Variants in KCNQ5 observed in about 807,000 individuals in gnomAD.
KCNQ5 encodes the protein potassium voltage-gated channel subfamily Q member 5.
In KCNQ5, 30 loss-of-function variants were observed where a neutral mutation model predicts 98.2. That is an observed-to-expected ratio of 0.31 (90% CI 0.23 to 0.41). The LOEUF is 0.41. KCNQ5 is among the 10% of genes least tolerant of loss of function. The probability of loss-of-function intolerance (pLI) is 1.00; values close to 1 mark genes in which losing one functional copy is unlikely to be tolerated. For synonymous variants in KCNQ5, 458 were observed against 449.4 expected, an observed-to-expected ratio of 1.02 and a Z score of -0.24; for missense variants, 835 against 1,182.5, an observed-to-expected ratio of 0.71 and a Z score of 4.31.
At chr6:72,835,565 GTTAT>G (rs1443207083) in intron 1 of KCNQ5, among the ~76,000 whole-genome samples, 1 of 152,068 alleles carries the variant, frequency 6.6e-6, no homozygotes, top group African/African-American at 2.4e-5. Context: ...TATCAACCAT[GTTAT>G]TTATTATAAT....
In KCNQ5 at chr6:73,113,462, C is replaced by A. The variant is rs150260413; in HGVS notation, c.1125+2059C>A. Among the ~76,000 whole-genome samples the A allele has an allele frequency of 3.7e-4, 57 of 152,324 alleles. No homozygotes were observed. In the East Asian group the frequency reaches 0.01, roughly 28 times the overall value. On this transcript the variant is annotated intron_variant, in intron 7 of 13. Coordinates refer to ENST00000370398, the MANE Select transcript of KCNQ5 (RefSeq NM_019842.4). Reference sequence around the variant, plus strand: ...AAAGCTGTGCCGCTCAATACAGTAACCACTAGCTACATGTAGCTTTTTACA... The same window carrying A: ...AAAGCTGTGCCGCTCAATACAGTAAACACTAGCTACATGTAGCTTTTTACA...
chr6:72,824,042 A>G (rs1195376335), intron 1 of KCNQ5, among the ~76,000 whole-genome samples: 1 of 152,130 alleles, frequency 6.6e-6, no homozygotes, highest in African/African-American at 2.4e-5. Context: ...ACCATTTTAT[A>G]TGTTTTCTCC....
At chr6:73,167,929 A>G (rs1417646828) in intron 10 of KCNQ5, among the ~76,000 whole-genome samples, 1 of 152,204 alleles carries the variant, frequency 6.6e-6, no homozygotes, top group Non-Finnish European at 1.5e-5. Context: ...CCACATCTTA[A>G]TACTATCACA....
At chr6:73,068,043 C>T (rs1773140975) in intron 3 of KCNQ5, among the ~76,000 whole-genome samples, 2 of 152,064 alleles carry the variant, frequency 1.3e-5, no homozygotes, top group South Asian at 2.1e-4. Context: ...CACCTGTAAT[C>T]CCAGCACTTT....
Position 72,622,600 on chromosome 6 carries a change from G to A in KCNQ5, c.398+13G>A, listed in dbSNP as rs767715061. 2 of 1,611,606 alleles carry A rather than the reference G, an allele frequency of 1.2e-6. No individual in the cohort carries two copies. The highest frequency in any genetic ancestry group is 2.2e-5 in the South Asian group (2 of 90,956). On this transcript the variant is annotated intron_variant, in intron 1 of 13. Coordinates refer to ENST00000370398, the MANE Select transcript of KCNQ5 (RefSeq NM_019842.4). The surrounding 1 kb of genome is among the most constrained non-coding windows in gnomAD (Gnocchi z 6.0). ...ACCACGCTTTCGTGTGAGTACCCGC[G>A]CCCCCTGCTATGCCCGCTGCAGGGG...
chr6:73,146,830 T>C (rs1776945636), intron 10 of KCNQ5, among the ~76,000 whole-genome samples: 2 of 152,102 alleles, frequency 1.3e-5, no homozygotes, highest in African/African-American at 4.8e-5. Context: ...TTCTAGTCTA[T>C]GAGTTTACCT....
chr6:72,711,860 T>G (rs1769386975), intron 1 of KCNQ5, among the ~76,000 whole-genome samples: 1 of 152,172 alleles, frequency 6.6e-6, no homozygotes, highest in Non-Finnish European at 1.5e-5. Context: ...GACTCACAAT[T>G]TTATCCCCAA....
At chr6:73,062,482 G>C (rs531250625) in intron 3 of KCNQ5, among the ~76,000 whole-genome samples, 1 of 152,074 alleles carries the variant, frequency 6.6e-6, no homozygotes, top group African/African-American at 2.4e-5. Context: ...CTGCAAGCTA[G>C]TAAACAGTCA....
chr6:72,937,974 C>T (rs1766024857), intron 1 of KCNQ5, among the ~76,000 whole-genome samples: 1 of 152,256 alleles, frequency 6.6e-6, no homozygotes, highest in East Asian at 1.9e-4. Flanking sequence ...GTGAGCATAT[C>T]ACTCACTCTT....
intron 3 of KCNQ5, among the ~76,000 whole-genome samples, chr6:73,067,165 C>T (rs1250833141): frequency 1.3e-5 from 2 of 152,088 alleles, no homozygotes; most frequent in East Asian, 3.9e-4. Flanking sequence ...TTTCTACATC[C>T]CTGTTTACTA....
chr6:73,076,570 A>T (rs1389467969), intron 3 of KCNQ5, among the ~76,000 whole-genome samples: 1 of 152,188 alleles, frequency 6.6e-6, no homozygotes, highest in African/African-American at 2.4e-5. Context: ...TTTCAGCCTA[A>T]TGTCAATATG....
chr6:72,899,889 A>G (rs1779412886), intron 1 of KCNQ5, among the ~76,000 whole-genome samples: 1 of 151,068 alleles, frequency 6.6e-6, no homozygotes, highest in African/African-American at 2.4e-5. Context: ...TCTGTCACCC[A>G]GGCTGGAGTG....
chr6:72,817,901 G>GA (rs1200973360), intron 1 of KCNQ5, among the ~76,000 whole-genome samples: 1 of 150,452 alleles, frequency 6.6e-6, no homozygotes, highest in African/African-American at 2.4e-5. Context: ...CTCAAAAAAA[G>GA]AAAAAAAGAA....
At chr6:73,006,308 A>G (rs968277191) in intron 2 of KCNQ5, among the ~76,000 whole-genome samples, 1 of 151,918 alleles carries the variant, frequency 6.6e-6, no homozygotes, top group Admixed American at 6.6e-5. Context: ...ATTACCATCC[A>G]AAGGAAGAAG....
intron 3 of KCNQ5, among the ~76,000 whole-genome samples, chr6:73,062,654 A>G (rs1437897334): frequency 6.6e-6 from 1 of 152,192 alleles, no homozygotes; most frequent in Non-Finnish European, 1.5e-5. Context: ...AGGTTTTCAA[A>G]AGGATATTTT....
chr6:72,938,108 T>C (rs1241815157), intron 1 of KCNQ5, among the ~76,000 whole-genome samples: 1 of 152,240 alleles, frequency 6.6e-6, no homozygotes, highest in Non-Finnish European at 1.5e-5. Flanking sequence ...AAGTTGGATT[T>C]CTTGAGCAGA....
chr6:72,848,237 T>C (rs757999776), intron 1 of KCNQ5, among the ~76,000 whole-genome samples: 1 of 151,940 alleles, frequency 6.6e-6, no homozygotes, highest in Non-Finnish European at 1.5e-5. Flanking sequence ...GGGCAGAACA[T>C]GCAGGTTTGT....
At chr6:72,868,668 C>G (rs142967663) in intron 1 of KCNQ5, among the ~76,000 whole-genome samples, 5 of 152,254 alleles carry the variant, frequency 3.3e-5, no homozygotes, top group Non-Finnish European at 7.3e-5. Flanking sequence ...AGGTAGAGCA[C>G]AATCATGGGA....
intron 1 of KCNQ5, among the ~76,000 whole-genome samples, chr6:72,641,518 G>A (rs1000682023): frequency 3.3e-5 from 5 of 151,992 alleles, no homozygotes; most frequent in Non-Finnish European, 5.9e-5. Flanking sequence ...GGAGCAGCTG[G>A]ATTTGACCCT....
Sources: gnomAD v4.1 joint callset for allele counts (sites outside exome capture counted in the v4.1 genomes callset) on GRCh38, gnomAD v4.1.1 for gene constraint, Gnocchi (gnomAD v3.1) non-coding constraint, MANE v1.5 for transcripts, NCBI Gene and HGNC (gene_info 2026-07-23, HGNC 2026-07-21) for gene names.